The following ABTB2 variants were observed in gnomAD, a reference collection of about 807,000 sequenced individuals.
ABTB2 encodes the protein ankyrin repeat and BTB domain containing 2.
ABTB2 carries 56 observed loss-of-function variants against 104.1 expected under a neutral mutation model. That is an observed-to-expected ratio of 0.54 (90% confidence interval 0.43 to 0.67). ABTB2 has a LOEUF of 0.67. Among genes scored for constraint, ABTB2 ranks in the 30% least tolerant of loss-of-function variants. The probability of loss-of-function intolerance (pLI) is 0.00; values close to 1 mark genes in which losing one functional copy is unlikely to be tolerated. For synonymous variants in ABTB2, 606 were observed against 608.2 expected (o/e 1.00, Z 0.05); for missense variants, 1,279 against 1,407.7 (o/e 0.91, Z 1.46).
intron 1 of ABTB2, among the ~76,000 whole-genome samples, chr11:34,234,722 C>T (rs2611102): frequency 0.013 from 1,997 of 152,288 alleles, 49 homozygotes; most frequent in African/African-American, 0.046. Context: ...TTGCCTATTG[C>T]GACTCCCAGC....
At chr11:34,158,550 G>A (rs746441987) in intron 14 of ABTB2, among the ~76,000 whole-genome samples, 1 of 152,180 alleles carries the variant, frequency 6.6e-6, no homozygotes, top group South Asian at 2.1e-4. Context: ...CTGCCTCCTG[G>A]CCTCAGTCCC....
At chr11:34,299,735 T>G (rs914829784) in intron 1 of ABTB2, among the ~76,000 whole-genome samples, 1 of 152,234 alleles carries the variant, frequency 6.6e-6, no homozygotes, top group African/African-American at 2.4e-5. Flanking sequence ...ATTTGGAGTT[T>G]GCTCATCTGG....
chr11:34,357,551 C>A lies in ABTB2; in HGVS notation c.33G>T (p.Thr11=), dbSNP rs1258728941. MAGTYSSTLK[T]LEDLTLDSGY... is the part of the protein sequence containing the mutation. The stretch of plus-strand genomic sequence containing the variant: ...CGGAGTCCAAGGTCAAGTCCTCCAG[C>A]GTCTTCAGAGTCGAGCTGTACGTCC... The change falls in exon 1 of 17, where the codon ACG becomes ACT. Residue 11 remains threonine (T), a synonymous_variant. Coordinates refer to ENST00000435224, the MANE Select transcript of ABTB2 (RefSeq NM_145804.3). The A allele has an allele frequency of 6.5e-7, 1 of 1,532,558 alleles. No individual in the cohort carries two copies. The highest frequency in any genetic ancestry group is 8.7e-7 in the Non-Finnish European group (1 of 1,143,420). 94.9% of individuals were successfully genotyped at this position (1,532,558 alleles called of 1,614,324 possible). A position where few individuals can be genotyped will look rare whatever the true frequency, so the allele number is the denominator to read the frequency against.
chr11:34,332,950 C>T (rs956169966), intron 1 of ABTB2, among the ~76,000 whole-genome samples: 4 of 152,112 alleles, frequency 2.6e-5, no homozygotes, highest in East Asian at 1.9e-4. Context: ...ATGCCTGCTT[C>T]GTCTGGGTGA....
At position 34,197,436 on chromosome 11, in the gene ABTB2, G is replaced by T. The variant is rs1409366801; in HGVS notation, c.1133C>A (p.Thr378Asn). 5 of 1,605,168 alleles carry T rather than the reference G, an allele frequency of 3.1e-6. No individual in the cohort carries two copies. Among genetic ancestry groups the T allele is most frequent in the Non-Finnish European group, 1.7e-6 (2 of 1,174,536 alleles). Residue 378 changes from threonine to asparagine, a missense_variant, in exon 3 of 17, where the codon ACT becomes AAT. Transcript: ENST00000435224. ...CGTGTGGAGGGCGTCGGGGGACCAA[G>T]TGATGGGCTGTGGCGGCTGGCGGGC... ...RQARQPPQPI[T>N]WSPDALHTLY...
At chr11:34,239,166 A>C (rs1853882530) in intron 1 of ABTB2, among the ~76,000 whole-genome samples, 1 of 152,112 alleles carries the variant, frequency 6.6e-6, no homozygotes, top group Admixed American at 6.5e-5. Context: ...TGGGACGACA[A>C]CACCTGATAA....
chr11:34,163,625 C>A (rs933465951), intron 9 of ABTB2, among the ~76,000 whole-genome samples: 2 of 152,220 alleles, frequency 1.3e-5, no homozygotes, highest in East Asian at 3.9e-4. Context: ...ACCTGCTCCA[C>A]GGCTACCCCG....
At chr11:34,190,970 C>T (rs1853167994) in intron 3 of ABTB2, among the ~76,000 whole-genome samples, 1 of 152,162 alleles carries the variant, frequency 6.6e-6, no homozygotes, top group Non-Finnish European at 1.5e-5. Context: ...AGAAGCCATA[C>T]TACTATCTTC....
rs1442811912 is a variant in ABTB2 at position 34,357,569 on chromosome 11, G to C, written c.15C>G (p.Tyr5Ter). The C allele has an allele frequency of 1.3e-6, 2 of 1,518,446 alleles. No homozygotes were observed. Among genetic ancestry groups the C allele is most frequent in the Non-Finnish European group, 1.8e-6 (2 of 1,133,392 alleles). The allele number at this position is 1,518,446 out of a possible 1,614,324, so 94.1% of individuals were successfully genotyped here. A position where few individuals can be genotyped will look rare whatever the true frequency, so the allele number is the denominator to read the frequency against. Residue 5 changes from tyrosine (Y) to a stop codon, truncating the protein, a stop_gained, in exon 1 of 17, where the codon TAC becomes TAG. Transcript: ENST00000435224. LOFTEE classifies it high-confidence loss of function. ...CCTCCAGCGTCTTCAGAGTCGAGCT[G>C]TACGTCCCGGCCATGGGGAGCCTGC... MAGT[Y>*]SSTLKTLEDL...
intron 1 of ABTB2, among the ~76,000 whole-genome samples, chr11:34,280,729 C>A (rs988836439): frequency 2.1e-4 from 32 of 152,272 alleles, no homozygotes; most frequent in African/African-American, 6.7e-4. Context: ...TCCTTACAAC[C>A]ACCCTGCGAG....
intron 1 of ABTB2, among the ~76,000 whole-genome samples, chr11:34,230,548 A>C (rs1170340356): frequency 3.3e-5 from 5 of 152,252 alleles, no homozygotes; most frequent in African/African-American, 1.2e-4. Flanking sequence ...AGGCTCTGGT[A>C]AGTTGACGAT....
chr11:34,311,018 G>A (rs188631785), intron 1 of ABTB2, among the ~76,000 whole-genome samples: 10 of 152,318 alleles, frequency 6.6e-5, no homozygotes, highest in East Asian at 1.9e-4. Flanking sequence ...GAGAGATGCC[G>A]TTTCTCCATG....
chr11:34,334,028 A>G (rs1454430841), intron 1 of ABTB2, among the ~76,000 whole-genome samples: 1 of 151,918 alleles, frequency 6.6e-6, no homozygotes, highest in East Asian at 1.9e-4. Context: ...AAAAAAAAAA[A>G]AAAAGCCACA....
At chr11:34,183,686 G>T (rs1853057477) in intron 3 of ABTB2, among the ~76,000 whole-genome samples, 1 of 152,198 alleles carries the variant, frequency 6.6e-6, no homozygotes, top group Admixed American at 6.5e-5. Context: ...GTATGGTTTT[G>T]TACGGTCTCT....
chr11:34,200,928 T>C (rs1386737808), intron 2 of ABTB2, among the ~76,000 whole-genome samples: 1 of 152,232 alleles, frequency 6.6e-6, no homozygotes, highest in African/African-American at 2.4e-5. Flanking sequence ...GAAGAGTGAA[T>C]TTTTAAAAAC....
Position 34,163,001 on chromosome 11 carries a change from C to A in ABTB2, c.1989-196G>T, listed in dbSNP as rs926980531. 2.0e-5 allele frequency among the ~76,000 whole-genome samples: 3 copies of A among 152,308 alleles called. No homozygotes were observed. The East Asian group carries it at 5.8e-4, about 29-fold the overall frequency. ...CCCCATATACCTCTGAGAGGCAGGG[C>A]AGGGTGCAGGGGAACCCACCCTTCT... On this transcript the variant is annotated intron_variant, in intron 9 of 16. Coordinates refer to ENST00000435224, the MANE Select transcript of ABTB2 (RefSeq NM_145804.3).
chr11:34,193,748 G>A (rs1271148433), intron 3 of ABTB2, among the ~76,000 whole-genome samples: 1 of 152,222 alleles, frequency 6.6e-6, no homozygotes, highest in African/African-American at 2.4e-5. Flanking sequence ...AGGCATGGAA[G>A]GGCCCTCTGA....
At chr11:34,287,536 CAAAT>C (rs1283621222) in intron 1 of ABTB2, among the ~76,000 whole-genome samples, 5 of 152,170 alleles carry the variant, frequency 3.3e-5, no homozygotes, top group East Asian at 3.8e-4. Context: ...AAGACTCTGC[CAAAT>C]AAATAAATAA....
At chr11:34,205,602 C>T (rs973473179) in intron 1 of ABTB2, among the ~76,000 whole-genome samples, 3 of 150,580 alleles carry the variant, frequency 2.0e-5, no homozygotes, top group South Asian at 4.2e-4. Flanking sequence ...CACCCACAAA[C>T]TTTTTTTTTT....
Sources: allele counts gnomAD v4.1 joint callset (sites outside exome capture counted in the v4.1 genomes callset), GRCh38; gene constraint gnomAD v4.1.1; transcripts MANE v1.5; gene names NCBI Gene and HGNC (gene_info 2026-07-23, HGNC 2026-07-21).